NUP98: variants seen among roughly 807,000 people sequenced by gnomAD.
The protein encoded by NUP98 is nuclear pore complex protein Nup98-Nup96.
A neutral mutation model predicts 191.9 loss-of-function variants in NUP98; 26 were observed. The ratio of observed to expected loss-of-function variants is 0.14; its 90% CI spans 0.10 to 0.19. The LOEUF (loss-of-function observed/expected upper bound fraction) is 0.19. NUP98 is among the 10% of genes least tolerant of loss of function. The pLI, the probability that NUP98 is intolerant of heterozygous loss-of-function variation, is 1.00. For synonymous variants in NUP98, 808 were observed against 778.4 expected (o/e 1.04, Z -0.63); for missense variants, 1,941 against 2,178.8 (o/e 0.89, Z 2.17).
chr11:3,778,547 C>T (rs2081836148), intron 4 of NUP98, among the ~76,000 whole-genome samples: 1 of 152,196 alleles, frequency 6.6e-6, no homozygotes, highest in Non-Finnish European at 1.5e-5. Flanking sequence ...CACACTCCTC[C>T]TTGAAATTCT....
At chr11:3,684,196 G>A (rs918054401) in intron 29 of NUP98, among the ~76,000 whole-genome samples, 2 of 152,090 alleles carry the variant, frequency 1.3e-5, no homozygotes, top group African/African-American at 4.8e-5. Context: ...TGGGCGACAA[G>A]ACCGAAACTC....
At position 3,738,429 on chromosome 11, in the gene NUP98, G is replaced by C. The variant is rs111510889; in HGVS notation, c.1409-3105C>G. On this transcript the variant is annotated intron_variant, in intron 12 of 32. Coordinates refer to ENST00000324932, the MANE Select transcript of NUP98 (RefSeq NM_016320.5). ...GAAAAGTACAAAAACCAAGTCTTCT[G>C]ATGAAACACAAGAATCTGATGATAC... 4.7e-3 allele frequency among the ~76,000 whole-genome samples: 711 copies of C among 152,268 alleles called. 2 individuals are homozygous for C. Among genetic ancestry groups the C allele is most frequent in the African/African-American group, 0.016 (679 of 41,560 alleles).
intron 20 of NUP98, chr11:3,712,198 T>C: frequency 9.3e-7 from 1 of 1,074,254 alleles, no homozygotes; most frequent in Non-Finnish European, 1.1e-6. Context: ...AAGAAAAAGA[T>C]TAAACTGCAC....
At chr11:3,757,871 AAC>A (rs2081030091) in intron 10 of NUP98, among the ~76,000 whole-genome samples, 1 of 152,192 alleles carries the variant, frequency 6.6e-6, no homozygotes, top group African/African-American at 2.4e-5. Context: ...CTTTATTAAA[AAC>A]ACACATTTTC....
chr11:3,756,784 A>G (rs1210201743), intron 10 of NUP98, among the ~76,000 whole-genome samples: 2 of 152,012 alleles, frequency 1.3e-5, no homozygotes, highest in East Asian at 1.9e-4. Context: ...AACATCAAAT[A>G]TATCTTTAAA....
chr11:3,703,364 C>T lies in NUP98; in HGVS notation c.3083-472G>A, dbSNP rs1317991156. On this transcript the variant is annotated intron_variant, in intron 22 of 32. Coordinates refer to ENST00000324932, the MANE Select transcript of NUP98 (RefSeq NM_016320.5). ...CCGAGTAGCTGGGATTACAGGTGCC[C>T]GCCACCATGCCTGGCTAACTTTTCT... Among the ~76,000 whole-genome samples the T allele has an allele frequency of 3.3e-5, 5 of 151,716 alleles. No homozygotes were observed. In the South Asian group the frequency reaches 6.2e-4, roughly 19 times the overall value.
At chr11:3,691,539 C>A in intron 27 of NUP98, 50 bp from the exon 28 acceptor site, 7 of 1,558,534 alleles carry the variant, frequency 4.5e-6, no homozygotes, top group Non-Finnish European at 6.1e-6. Context: ...ATCAGTTTTA[C>A]TAGATGCCAT....
At chr11:3,790,842 C>G (rs1038624600) in intron 1 of NUP98, among the ~76,000 whole-genome samples, 2 of 152,024 alleles carry the variant, frequency 1.3e-5, no homozygotes, top group African/African-American at 4.8e-5. Context: ...GGCAAACCAC[C>G]TGTAATTACT....
chr11:3,699,901 A>G (rs2078624338), intron 24 of NUP98, among the ~76,000 whole-genome samples: 1 of 152,236 alleles, frequency 6.6e-6, no homozygotes, highest in African/African-American at 2.4e-5. Context: ...AAATATTAAT[A>G]AATTAGATAA....
At chr11:3,748,947 TAA>T (rs1014625515) in intron 11 of NUP98, among the ~76,000 whole-genome samples, 6 of 138,718 alleles carry the variant, frequency 4.3e-5, no homozygotes, top group Admixed American at 1.4e-4. Flanking sequence ...GAATTTTCAT[TAA>T]AAAAAAAAAA....
At chr11:3,752,574 C>T (rs994836532) in intron 11 of NUP98, among the ~76,000 whole-genome samples, 4 of 150,668 alleles carry the variant, frequency 2.7e-5, no homozygotes, top group Non-Finnish European at 5.9e-5. Flanking sequence ...CAGATGAATG[C>T]TCAGATGATA....
In NUP98 at chr11:3,762,929, G is replaced by T. The variant is rs1485648924; in HGVS notation, c.1059C>A (p.Thr353=). The T allele has an allele frequency of 6.2e-7, 1 of 1,614,026 alleles. No homozygotes were observed. Residue 353 remains threonine (T), a synonymous_variant, in exon 9 of 33, where the codon ACC becomes ACA. Transcript: ENST00000324932. ...FGTGTGLFGQ[T]NTGFGAVGST... is the part of the protein sequence containing the mutation. ...AACCAACAGCACCAAATCCAGTATT[G>T]GTCTGCCCAAAGAGACCTGTTCCTG...
At chr11:3,715,950 G>A (rs923032003) in intron 18 of NUP98, among the ~76,000 whole-genome samples, 1 of 152,118 alleles carries the variant, frequency 6.6e-6, no homozygotes, top group Non-Finnish European at 1.5e-5. Flanking sequence ...TGTTGTTGCT[G>A]TTGAATTGCA....
intron 12 of NUP98, among the ~76,000 whole-genome samples, chr11:3,738,851 G>A (rs2080174213): frequency 6.6e-6 from 1 of 151,572 alleles, no homozygotes; most frequent in South Asian, 2.1e-4. Flanking sequence ...TTAGCTTTAG[G>A]AAATAAAAGT....
chr11:3,768,994 C>T (rs961067794), intron 7 of NUP98, among the ~76,000 whole-genome samples: 3 of 152,176 alleles, frequency 2.0e-5, no homozygotes, highest in African/African-American at 7.2e-5. Flanking sequence ...TGTAAGTCCA[C>T]AGCTTCCTTC....
In NUP98 at chr11:3,771,947, T is replaced by C. The variant is rs768546365; in HGVS notation, c.604-19A>G. On this transcript the variant is annotated intron_variant, in intron 6 of 32. Coordinates refer to ENST00000324932, the MANE Select transcript of NUP98 (RefSeq NM_016320.5). ...GAAGTTCCTGAAGGGAGGGAAAACA[T>C]ATTTCTAATCTTAACATGCAGCTAA... 2.5e-6 allele frequency: 4 copies of C among 1,604,582 alleles called. No homozygotes were observed. The African/African-American group carries it at 5.4e-5, about 21-fold the overall frequency.
At chr11:3,749,640 A>G (rs918208934) in intron 11 of NUP98, among the ~76,000 whole-genome samples, 1 of 152,116 alleles carries the variant, frequency 6.6e-6, no homozygotes, top group African/African-American at 2.4e-5. Context: ...ATAAATAAAT[A>G]AAATATAAAT....
At chr11:3,745,607 T>C (rs544610256) in intron 11 of NUP98, among the ~76,000 whole-genome samples, 4 of 152,138 alleles carry the variant, frequency 2.6e-5, no homozygotes, top group East Asian at 3.9e-4. Context: ...TTATTGGCAA[T>C]TGATAAGATT....
At chr11:3,725,394 C>T (rs1039560083) in intron 14 of NUP98, among the ~76,000 whole-genome samples, 175 bp from the exon 15 acceptor site, 1 of 152,194 alleles carries the variant, frequency 6.6e-6, no homozygotes, top group African/African-American at 2.4e-5. Context: ...ATAGCCAAAA[C>T]ACAAGGTGTC....
Sources: allele counts gnomAD v4.1 joint callset (sites outside exome capture counted in the v4.1 genomes callset), GRCh38; gene constraint gnomAD v4.1.1; transcripts MANE v1.5; gene names NCBI Gene and HGNC (gene_info 2026-07-23, HGNC 2026-07-21).